Variants in SPATA16 observed in about 807,000 individuals in gnomAD.
SPATA16 encodes spermatogenesis associated 16.
Under a neutral mutation model 63.3 loss-of-function variants are expected in SPATA16, and 36 were observed. The observed-to-expected ratio is 0.57, with a 90% CI of 0.44 to 0.75. The LOEUF (loss-of-function observed/expected upper bound fraction) is 0.75. Among genes scored for constraint, SPATA16 ranks in the 30% least tolerant of loss-of-function variants. The pLI is 0.00. For missense variants in SPATA16, 646 were observed against 679.3 expected (o/e 0.95, Z 0.54); for synonymous variants, 203 against 216.7 (o/e 0.94, Z 0.56).
At chr3:173,107,899 T>G (rs1398148123) in intron 2 of SPATA16, among the ~76,000 whole-genome samples, 1 of 152,162 alleles carries the variant, frequency 6.6e-6, no homozygotes, top group Non-Finnish European at 1.5e-5. Flanking sequence ...GTCAGAATCA[T>G]CTGACTTAAA....
At chr3:172,977,259 AAG>A (rs71864807) in intron 4 of SPATA16, among the ~76,000 whole-genome samples, 14,603 of 152,130 alleles carry the variant, frequency 0.096, 801 homozygotes, top group East Asian at 0.15. Flanking sequence ...AAAACTATAA[AAG>A]AGAAGCAATA....
At chr3:172,911,195 T>C (rs1732365440) in intron 10 of SPATA16, among the ~76,000 whole-genome samples, 1 of 152,208 alleles carries the variant, frequency 6.6e-6, no homozygotes, top group South Asian at 2.1e-4. Context: ...CAGCCAAATT[T>C]AGTTTTTCCA....
intron 5 of SPATA16, among the ~76,000 whole-genome samples, chr3:172,967,314 A>T (rs954296434): frequency 1.3e-5 from 2 of 152,218 alleles, no homozygotes; most frequent in African/African-American, 4.8e-5. Flanking sequence ...GCTGCATTTA[A>T]ATGATGTGGG....
chr3:173,139,721 C>T (rs141772127), intron 1 of SPATA16, among the ~76,000 whole-genome samples: 2,341 of 152,296 alleles, frequency 0.015, 66 homozygotes, highest in African/African-American at 0.053. Context: ...CGTAGTGGCT[C>T]ATGCCTGTAA....
intron 1 of SPATA16, among the ~76,000 whole-genome samples, chr3:173,130,611 G>A (rs1738353490): frequency 6.6e-6 from 1 of 152,030 alleles, no homozygotes; most frequent in Admixed American, 6.6e-5. Flanking sequence ...ACTTATTACA[G>A]AACCTAGTAG....
intron 3 of SPATA16, among the ~76,000 whole-genome samples, chr3:173,040,952 A>G (rs976716542): frequency 2.6e-5 from 4 of 152,056 alleles, no homozygotes; most frequent in African/African-American, 9.7e-5. Flanking sequence ...GTTGTTCCCT[A>G]CAGTAGAAAC....
At chr3:172,949,720 T>C (rs1460683973) in intron 6 of SPATA16, among the ~76,000 whole-genome samples, 1 of 152,020 alleles carries the variant, frequency 6.6e-6, no homozygotes, top group Non-Finnish European at 1.5e-5. Context: ...GGAAATGGCC[T>C]TGGGGCTTTC....
chr3:173,035,056 A>G (rs9848803), intron 3 of SPATA16, among the ~76,000 whole-genome samples: 6,277 of 152,178 alleles, frequency 0.041, 282 homozygotes, highest in African/African-American at 0.11. Context: ...CTTTCCAGAT[A>G]TTTTTAGTAG....
rs142180234 is a variant in SPATA16, at chr3:173,001,555, C to G, written c.848+17931G>C. ...AGAGGTAAAACCTTAAGCGTCACCTCTCATTTGAATTTGGTCCTCCAGAAA... is the reference window on the plus strand; with the variant it reads ...AGAGGTAAAACCTTAAGCGTCACCTGTCATTTGAATTTGGTCCTCCAGAAA... On this transcript the variant is annotated intron_variant, in intron 4 of 10. Coordinates refer to ENST00000351008, the MANE Select transcript of SPATA16 (RefSeq NM_031955.6). Among the ~76,000 whole-genome samples, 12 of 152,264 alleles carry G rather than the reference C, an allele frequency of 7.9e-5. No homozygotes were observed. In the East Asian group the frequency reaches 2.1e-3, roughly 27 times the overall value.
chr3:173,079,221 G>C (rs1204457076), intron 2 of SPATA16, among the ~76,000 whole-genome samples: 1 of 152,018 alleles, frequency 6.6e-6, no homozygotes, highest in Non-Finnish European at 1.5e-5. Context: ...TGTATTTCTT[G>C]TGAGCTTGAC....
intron 2 of SPATA16, among the ~76,000 whole-genome samples, chr3:173,069,772 A>T (rs769809493): frequency 7.2e-5 from 11 of 152,226 alleles, no homozygotes; most frequent in Non-Finnish European, 1.5e-4. Flanking sequence ...CAACACATTA[A>T]AAAGATCATT....
chr3:172,897,486 G>A (rs1732031061), intron 10 of SPATA16, among the ~76,000 whole-genome samples: 1 of 152,012 alleles, frequency 6.6e-6, no homozygotes, highest in Non-Finnish European at 1.5e-5. Context: ...GTAATTTTAG[G>A]CATACAATTC....
chr3:172,982,484 T>C (rs1039859963), intron 4 of SPATA16, among the ~76,000 whole-genome samples: 2 of 152,214 alleles, frequency 1.3e-5, no homozygotes, highest in Non-Finnish European at 2.9e-5. Context: ...TCAGCAGTTA[T>C]TGCTTCCCTG....
At chr3:173,018,905 G>A (rs983205636) in intron 4 of SPATA16, among the ~76,000 whole-genome samples, 2 of 152,188 alleles carry the variant, frequency 1.3e-5, no homozygotes, top group African/African-American at 2.4e-5. Context: ...CAGGCAAGAA[G>A]GAATTCTGAG....
At chr3:173,122,994 T>C in intron 1 of SPATA16, among the ~76,000 whole-genome samples, 1 of 152,234 alleles carries the variant, frequency 6.6e-6, no homozygotes, top group East Asian at 1.9e-4. Flanking sequence ...ATGGGACTGA[T>C]GCAATTTCAA....
intron 6 of SPATA16, among the ~76,000 whole-genome samples, chr3:172,943,219 C>T (rs56062338): frequency 0.056 from 8,477 of 152,158 alleles, 339 homozygotes; most frequent in Non-Finnish European, 0.077. Context: ...AAAGGTTCGA[C>T]AATGTCAAAA....
intron 6 of SPATA16, among the ~76,000 whole-genome samples, chr3:172,928,368 C>T (rs972562985): frequency 4.6e-5 from 7 of 152,184 alleles, no homozygotes; most frequent in African/African-American, 7.2e-5. Flanking sequence ...ATCACAGACA[C>T]GCCTCTCTTT....
At chr3:172,900,830 T>G (rs973314828) in intron 10 of SPATA16, among the ~76,000 whole-genome samples, 4 of 151,686 alleles carry the variant, frequency 2.6e-5, no homozygotes, top group Non-Finnish European at 4.4e-5. Flanking sequence ...TTAGTAGAGA[T>G]GGGGGTTTCA....
intron 6 of SPATA16, among the ~76,000 whole-genome samples, chr3:172,948,422 A>G (rs1033546761): frequency 3.3e-5 from 5 of 152,160 alleles, no homozygotes; most frequent in Admixed American, 2.0e-4. Context: ...AGACTTTCTC[A>G]GACAAACAAA....
Sources: allele counts gnomAD v4.1 joint callset (sites outside exome capture counted in the v4.1 genomes callset), GRCh38; gene constraint gnomAD v4.1.1; transcripts MANE v1.5; gene names NCBI Gene and HGNC (gene_info 2026-07-23, HGNC 2026-07-21).